The following AIM2 variants were observed in gnomAD, a reference collection of about 807,000 sequenced individuals.
AIM2 encodes the protein absent in melanoma 2.
AIM2 carries 30 observed loss-of-function variants against 27.7 expected under a neutral mutation model. The ratio of observed to expected loss-of-function variants is 1.08; its 90% CI spans 0.81 to 1.47. The LOEUF (loss-of-function observed/expected upper bound fraction) is 1.47. Ranked by LOEUF, AIM2 falls within the 40% of genes most tolerant of loss-of-function variation. AIM2 has a pLI of 0.00. For synonymous variants in AIM2, 141 were observed against 145.3 expected (o/e 0.97, Z 0.21); for missense variants, 358 against 411.3 (o/e 0.87, Z 1.12).
chr1:159,130,554 T>C (rs1395843355), intron 1 of AIM2, among the ~76,000 whole-genome samples: 1 of 152,122 alleles, frequency 6.6e-6, no homozygotes, highest in Non-Finnish European at 1.5e-5. Context: ...GGAATCATCC[T>C]GGGCTCTCCT....
upstream of AIM2, among the ~76,000 whole-genome samples, chr1:159,143,130 T>C (rs1330682070): frequency 6.6e-6 from 1 of 152,148 alleles, no homozygotes; most frequent in Non-Finnish European, 1.5e-5. Flanking sequence ...AGAAAACCCT[T>C]AAGGGCTTTC....
rs570321316 is a variant in AIM2, at chr1:159,115,382, C to A, written c.-16+25049G>T. Among the ~76,000 whole-genome samples, 5 of 152,282 alleles carry A rather than the reference C, an allele frequency of 3.3e-5. No homozygotes were observed. The South Asian group carries it at 1.0e-3, about 32-fold the overall frequency. ...AAGGAGCCCGCATCACCAAGTCAAT[C>A]CTAAGCCAAAAGAACAAAGCTGGAG... On this transcript the variant is annotated intron_variant, in intron 1 of 2. Coordinates refer to the AIM2 transcript ENST00000368129.
intron 1 of AIM2, among the ~76,000 whole-genome samples, chr1:159,086,378 C>T (rs1656911456): frequency 6.6e-6 from 1 of 152,244 alleles, no homozygotes; most frequent in African/African-American, 2.4e-5. Context: ...TTGTTTGTGA[C>T]ATGAGGCTGC....
chr1:159,075,713 C>T (rs1328594856), intron 1 of AIM2, among the ~76,000 whole-genome samples: 1 of 151,938 alleles, frequency 6.6e-6, no homozygotes, highest in East Asian at 1.9e-4. Context: ...GAAAAGTGTG[C>T]AAAAGATGTG....
Position 159,066,342 on chromosome 1 carries a change from G to C in AIM2, c.397-13C>G, listed in dbSNP as rs750710532. The C allele has an allele frequency of 1.9e-6, 3 of 1,598,216 alleles. No individual in the cohort carries two copies. Among genetic ancestry groups the C allele is most frequent in the African/African-American group, 1.4e-5 (1 of 73,922 alleles). ...GTTTCTGTTCAGGCTGAAGACAAGA[G>C]AAGAAAGATATCAGCTGTGAGTCAA... On this transcript the variant is annotated splice_polypyrimidine_tract_variant and intron_variant, in intron 3 of 5. Coordinates refer to ENST00000368130, the MANE Select transcript of AIM2 (RefSeq NM_004833.3).
intron 1 of AIM2, among the ~76,000 whole-genome samples, chr1:159,089,327 A>G (rs1656995056): frequency 6.6e-6 from 1 of 152,246 alleles, no homozygotes; most frequent in African/African-American, 2.4e-5. Context: ...TGGTAGAAAT[A>G]AGATTTGAAC....
intron 2 of AIM2, among the ~76,000 whole-genome samples, chr1:159,069,399 CTAAAA>C (rs1656253432): frequency 6.6e-6 from 1 of 151,948 alleles, no homozygotes; most frequent in Non-Finnish European, 1.5e-5. Context: ...CCTCCAATGA[CTAAAA>C]TAACAATAAA....
chr1:159,112,761 G>A (rs1177545768), intron 1 of AIM2, among the ~76,000 whole-genome samples: 3 of 151,994 alleles, frequency 2.0e-5, no homozygotes, highest in African/African-American at 4.8e-5. Context: ...ACACCTAATG[G>A]ACTAAAGGAA....
At chr1:159,074,041 AAACAACAACAAC>A in intron 1 of AIM2, among the ~76,000 whole-genome samples, 1 of 152,076 alleles carries the variant, frequency 6.6e-6, no homozygotes, top group African/African-American at 2.4e-5. Context: ...CTTCATCTCA[AAACAACAACAAC>A]AACAACAACA....
Position 159,075,001 on chromosome 1 carries a change from A to G in AIM2, c.-20-1482T>C, listed in dbSNP as rs552884457. Reference sequence around the variant, plus strand: ...AAAAATAAAGACAAAAACCTGCAAAACAAGTTGAATATGTTTATCAGGATG... The same window carrying G: ...AAAAATAAAGACAAAAACCTGCAAAGCAAGTTGAATATGTTTATCAGGATG... On this transcript the variant is annotated intron_variant, in intron 1 of 5. Transcript: ENST00000368130. Among the ~76,000 whole-genome samples, 33 of 152,328 alleles carry G rather than the reference A, an allele frequency of 2.2e-4. No individual in the cohort carries two copies. In the South Asian group the frequency reaches 6.4e-3, roughly 30 times the overall value.
At chr1:159,069,356 C>T (rs1656251612) in intron 2 of AIM2, among the ~76,000 whole-genome samples, 1 of 151,986 alleles carries the variant, frequency 6.6e-6, no homozygotes, top group East Asian at 1.9e-4. Flanking sequence ...TTATAATGTA[C>T]ATAAATATTC....
At chr1:159,087,409 G>A (rs964692305) in intron 1 of AIM2, among the ~76,000 whole-genome samples, 3 of 151,954 alleles carry the variant, frequency 2.0e-5, no homozygotes, top group African/African-American at 7.3e-5. Context: ...GCTGAACTGT[G>A]GAAGTATACC....
At chr1:159,088,283 G>A (rs1656963286) in intron 1 of AIM2, among the ~76,000 whole-genome samples, 2 of 152,154 alleles carry the variant, frequency 1.3e-5, no homozygotes, top group Admixed American at 6.5e-5. Flanking sequence ...TCCTGAACAT[G>A]TGGCCAAGAA....
At position 159,065,942 on chromosome 1, in the gene AIM2, T is replaced by C. The variant is rs1444336545; in HGVS notation, c.784A>G (p.Thr262Ala). 6.2e-7 allele frequency: 1 copy of C among 1,613,538 alleles called. No homozygotes were observed. Among genetic ancestry groups the C allele is most frequent in the South Asian group, 1.1e-5 (1 of 90,888 alleles). ...ACTACAAACAAACCATTCACAATTG[T>C]TCCAAGGGGCTGAGTTTGAAGCGTG... ...INTLQTQPLG[T>A]IVNGLFVVQK... The change falls in exon 4 of 6, where the codon ACA becomes GCA. Residue 262 changes from threonine to alanine, a missense_variant. Transcript: ENST00000368130.
intron 2 of AIM2, among the ~76,000 whole-genome samples, chr1:159,070,282 A>G (rs1259845460): frequency 6.6e-6 from 1 of 152,218 alleles, no homozygotes; most frequent in African/African-American, 2.4e-5. Context: ...TTGTTTTATC[A>G]TAAGAACCTA....
intron 1 of AIM2, among the ~76,000 whole-genome samples, chr1:159,132,056 A>G (rs143656595): frequency 2.0e-3 from 304 of 152,146 alleles, no homozygotes; most frequent in African/African-American, 7.2e-3. Context: ...TGTGTGCAAA[A>G]TCACTGACTT....
intron 1 of AIM2, among the ~76,000 whole-genome samples, chr1:159,091,127 T>C (rs1404210772): frequency 6.6e-6 from 1 of 152,220 alleles, no homozygotes; most frequent in Non-Finnish European, 1.5e-5. Flanking sequence ...TTGGCTTGTA[T>C]GGTCCTGAGA....
At chr1:159,101,164 T>C (rs1415355555) in intron 1 of AIM2, among the ~76,000 whole-genome samples, 5 of 152,102 alleles carry the variant, frequency 3.3e-5, no homozygotes, top group East Asian at 1.9e-4. Flanking sequence ...TGGGAGGTAA[T>C]TGGATCATGG....
chr1:159,131,871 A>T (rs1048797196), intron 1 of AIM2, among the ~76,000 whole-genome samples: 1 of 152,224 alleles, frequency 6.6e-6, no homozygotes, highest in African/African-American at 2.4e-5. Context: ...TAGATCATGG[A>T]TGAGATTTAC....
Sources: allele counts gnomAD v4.1 joint callset (sites outside exome capture counted in the v4.1 genomes callset), GRCh38; gene constraint gnomAD v4.1.1; transcripts MANE v1.5; gene names NCBI Gene and HGNC (gene_info 2026-07-23, HGNC 2026-07-21).